ENPEP: variants seen among roughly 807,000 people sequenced by gnomAD.
The protein encoded by ENPEP is glutamyl aminopeptidase, also known as AP-A.
ENPEP carries 103 observed loss-of-function variants against 114.5 expected under a neutral mutation model. The observed-to-expected ratio is 0.90, with a 90% confidence interval of 0.77 to 1.06. The LOEUF is 1.06. Among genes scored for constraint, ENPEP ranks in the 50% least tolerant of loss-of-function variants. The pLI is 0.00. For synonymous variants in ENPEP, 420 were observed against 422.0 expected (o/e 1.00, Z 0.06); for missense variants, 1,196 against 1,161.3 (o/e 1.03, Z -0.43).
At chr4:110,543,103 A>G (rs201712698) in intron 13 of ENPEP, 33 bp downstream of exon 13, 1 of 1,574,646 alleles carries the variant, frequency 6.4e-7, no homozygotes, top group East Asian at 2.2e-5. Context: ...ATTACTTAAA[A>G]TACTGTGGGT....
At chr4:110,523,126 A>G (rs1403255937) in intron 10 of ENPEP, among the ~76,000 whole-genome samples, 1 of 152,160 alleles carries the variant, frequency 6.6e-6, no homozygotes, top group Admixed American at 6.5e-5. Flanking sequence ...GGTTGGGAAG[A>G]TGAAAAAAAC....
At chr4:110,504,324 A>G (rs991337776) in intron 3 of ENPEP, among the ~76,000 whole-genome samples, 9 of 152,168 alleles carry the variant, frequency 5.9e-5, no homozygotes, top group African/African-American at 2.2e-4. Flanking sequence ...GGGTGGCTGC[A>G]GCTTACTGGA....
chr4:110,533,201 A>G (rs1726471281), intron 11 of ENPEP: 1 of 328,300 alleles, frequency 3.0e-6, no homozygotes, highest in Non-Finnish European at 6.3e-6. Context: ...CATGGAATGA[A>G]GTTTCCATAC....
chr4:110,476,830 C>A lies in ENPEP; in HGVS notation c.416C>A (p.Thr139Asn). The A allele has an allele frequency of 6.2e-7, 1 of 1,614,114 alleles. No individual in the cohort carries two copies. The highest frequency in any genetic ancestry group is 2.2e-5 in the East Asian group (1 of 44,868). ...TACCTGTGGCTGCACCTCCGGGAGA[C>A]CAGGATCACCCGGCTCCCGGAGCTG... ...TRYLWLHLRETRITRLPELKR... is the reference protein window; with the variant it reads ...TRYLWLHLRENRITRLPELKR... The change falls in exon 1 of 20, where the codon ACC becomes AAC. Residue 139 changes from threonine to asparagine, a missense_variant. Physicochemically the swap from Thr to Asn is moderately conservative, Grantham distance 65. Transcript: ENST00000265162.
intron 3 of ENPEP, among the ~76,000 whole-genome samples, chr4:110,496,211 T>C (rs1267836161): frequency 6.6e-6 from 1 of 152,206 alleles, no homozygotes; most frequent in Non-Finnish European, 1.5e-5. Context: ...TGTATGTATA[T>C]ATGCCATGGA....
chr4:110,523,322 T>TA (rs1726075332), intron 10 of ENPEP, among the ~76,000 whole-genome samples: 1 of 152,194 alleles, frequency 6.6e-6, no homozygotes, highest in African/African-American at 2.4e-5. Flanking sequence ...TGCCGCCATG[T>TA]AAAATGTCCC....
At chr4:110,488,270 T>C (rs1003342458) in intron 1 of ENPEP, among the ~76,000 whole-genome samples, 2 of 152,220 alleles carry the variant, frequency 1.3e-5, no homozygotes, top group Non-Finnish European at 2.9e-5. Flanking sequence ...AGCTGTTAGG[T>C]TGATGCAAAA....
chr4:110,517,650 T>G (rs1267022684), intron 8 of ENPEP, among the ~76,000 whole-genome samples: 1 of 152,196 alleles, frequency 6.6e-6, no homozygotes, highest in African/African-American at 2.4e-5. Context: ...ACCGGTTTTG[T>G]CTAAAATTAA....
chr4:110,532,106 G>T (rs980323337), intron 11 of ENPEP, among the ~76,000 whole-genome samples: 9 of 152,094 alleles, frequency 5.9e-5, no homozygotes, highest in African/African-American at 1.9e-4. Context: ...GTTTCCAGTA[G>T]ATTGCCTTTT....
At chr4:110,505,366 T>A (rs1725335492) in intron 3 of ENPEP, among the ~76,000 whole-genome samples, 1 of 152,072 alleles carries the variant, frequency 6.6e-6, no homozygotes, top group African/African-American at 2.4e-5. Context: ...TGTGCCGTCT[T>A]CGGAGGTGAA....
At chr4:110,490,242 T>C (rs1724654228) in intron 2 of ENPEP, among the ~76,000 whole-genome samples, 2 of 152,002 alleles carry the variant, frequency 1.3e-5, no homozygotes, top group South Asian at 4.1e-4. Context: ...GTTTTTATGG[T>C]AGAGTAATGT....
chr4:110,544,231 G>T (rs1368668987), intron 13 of ENPEP, among the ~76,000 whole-genome samples: 1 of 151,976 alleles, frequency 6.6e-6, no homozygotes, highest in East Asian at 1.9e-4. Context: ...TATCACCAAG[G>T]TAGAGATGAC....
chr4:110,541,935 A>G (rs1172555110), intron 11 of ENPEP, among the ~76,000 whole-genome samples: 2 of 152,272 alleles, frequency 1.3e-5, no homozygotes, highest in African/African-American at 2.4e-5. Flanking sequence ...TTAAGTACAT[A>G]TCTTTTACCT....
intron 10 of ENPEP, among the ~76,000 whole-genome samples, chr4:110,522,463 G>A (rs772712691): frequency 1.3e-5 from 2 of 152,138 alleles, no homozygotes; most frequent in South Asian, 2.1e-4. Context: ...TTACAGGTGT[G>A]AGCCACCGTG....
At chr4:110,519,182 T>C (rs1164054268) in intron 8 of ENPEP, 1 of 448,398 alleles carries the variant, frequency 2.2e-6, no homozygotes, top group Non-Finnish European at 4.5e-6. Flanking sequence ...GTCCTTCTAA[T>C]ACTGTTTTAT....
intron 14 of ENPEP, 90 bp downstream of exon 14, chr4:110,548,416 C>T: frequency 1.8e-6 from 2 of 1,136,346 alleles, no homozygotes; most frequent in Non-Finnish European, 2.3e-6. Flanking sequence ...TCTTGGGGAC[C>T]TAAACCATGT....
At chr4:110,477,624 T>A (rs1476995822) in intron 1 of ENPEP, among the ~76,000 whole-genome samples, 1 of 152,094 alleles carries the variant, frequency 6.6e-6, no homozygotes, top group Non-Finnish European at 1.5e-5. Context: ...AGGACTGTGT[T>A]TTTTTCTGTC....
At chr4:110,538,655 C>T (rs958147149) in intron 11 of ENPEP, among the ~76,000 whole-genome samples, 1 of 152,212 alleles carries the variant, frequency 6.6e-6, no homozygotes, top group Non-Finnish European at 1.5e-5. Flanking sequence ...ACTTGGCTAA[C>T]TGTGTGGTAC....
In ENPEP at chr4:110,565,221, A is replaced by C. The variant is rs1477849243; in HGVS notation, c.*3663A>C. 1.3e-5 allele frequency: 2 copies of C among 152,226 alleles called. No individual in the cohort carries two copies. The highest frequency in any genetic ancestry group is 2.9e-5 in the Non-Finnish European group (2 of 68,046). 9.4% of individuals were successfully genotyped at this position (152,226 alleles called of 1,614,324 possible). ...ATCAAAAGGAGAATAATAGTTCATG[A>C]TGTAAAAATTATATAAAATTTAAAT... On this transcript the variant is annotated 3_prime_UTR_variant, in exon 20 of 20. Transcript: ENST00000265162.
Sources: allele counts gnomAD v4.1 joint callset (sites outside exome capture counted in the v4.1 genomes callset), GRCh38; gene constraint gnomAD v4.1.1; transcripts MANE v1.5; gene names NCBI Gene and HGNC (gene_info 2026-07-23, HGNC 2026-07-21).